Variants in BCL11B observed in about 807,000 individuals in gnomAD.
BCL11B encodes the protein BCL11 transcription factor B, also known as B-cell lymphoma/leukemia 11B.
BCL11B carries 8 observed loss-of-function variants against 49.9 expected under a neutral mutation model. The observed-to-expected ratio is 0.16, with a 90% CI of 0.09 to 0.29. The LOEUF (loss-of-function observed/expected upper bound fraction) is 0.29. BCL11B is among the 10% of genes least tolerant of loss of function. The pLI, the probability that BCL11B is intolerant of heterozygous loss-of-function variation, is 1.00. For missense variants in BCL11B, 1,006 were observed against 1,351.0 expected, an observed-to-expected ratio of 0.74 and a Z score of 4.00; for synonymous variants, 739 against 637.4, an observed-to-expected ratio of 1.16 and a Z score of -2.40.
At chr14:99,200,603 G>A (rs558050543) in intron 3 of BCL11B, among the ~76,000 whole-genome samples, 53 of 152,352 alleles carry the variant, frequency 3.5e-4, no homozygotes, top group African/African-American at 1.2e-3. Flanking sequence ...GCAGCGAGGC[G>A]GGGCATCTCT....
At chr14:99,224,554 C>T (rs1004284817) in intron 3 of BCL11B, among the ~76,000 whole-genome samples, 1 of 152,186 alleles carries the variant, frequency 6.6e-6, no homozygotes, top group Non-Finnish European at 1.5e-5. Flanking sequence ...GCCGATTACC[C>T]AAGGCCAGAG....
intron 1 of BCL11B, among the ~76,000 whole-genome samples, chr14:99,267,059 T>G (rs181844979): frequency 5.3e-5 from 8 of 152,210 alleles, no homozygotes; most frequent in African/African-American, 1.9e-4. Flanking sequence ...TTCCCTTGGG[T>G]TGAGTAGGAC....
rs1886221829 is a variant in BCL11B at position 99,169,577 on chromosome 14, T to C, written c.*4574A>G. On this transcript the variant is annotated 3_prime_UTR_variant, in exon 4 of 4. Coordinates refer to ENST00000357195, the MANE Select transcript of BCL11B (RefSeq NM_138576.4). ...CAAGCAATAATAAATAGTTCCAAAC[T>C]TGTAGTAAAAGACAAAACCTCCAAG... 4.8e-6 allele frequency: 1 copy of C among 208,560 alleles called. No individual in the cohort carries two copies. Among genetic ancestry groups the C allele is most frequent in the African/African-American group, 2.3e-5 (1 of 44,074 alleles). 12.9% of individuals were successfully genotyped at this position (208,560 alleles called of 1,614,324 possible). A position where few individuals can be genotyped will look rare whatever the true frequency, so the allele number is the denominator to read the frequency against.
intron 3 of BCL11B, among the ~76,000 whole-genome samples, chr14:99,190,265 G>C (rs1886983018): frequency 6.6e-6 from 1 of 152,198 alleles, no homozygotes. Flanking sequence ...AAAGCGGGCA[G>C]ATCACGAGGT....
rs1290731811 is a variant in BCL11B at position 99,231,150 on chromosome 14, G to A, written c.640+195C>T. On this transcript the variant is annotated intron_variant, in intron 3 of 3. Transcript: ENST00000357195. This position sits in a 1 kb window ranked among gnomAD's most constrained non-coding sequence, Gnocchi z 8.1. ...CTCAGAACGGGTGGGGGCACCGTGG[G>A]GGACTCCTGACCGAGGGGCACCGGG... Among the ~76,000 whole-genome samples, 3 of 152,208 alleles carry A rather than the reference G, an allele frequency of 2.0e-5. No individual in the cohort carries two copies. Among genetic ancestry groups the A allele is most frequent in the Non-Finnish European group, 4.4e-5 (3 of 68,040 alleles).
intron 1 of BCL11B, among the ~76,000 whole-genome samples, chr14:99,266,888 A>C (rs1889499288): frequency 6.6e-6 from 1 of 152,356 alleles, no homozygotes; most frequent in East Asian, 1.9e-4. Context: ...AAAGGGGATA[A>C]GTGAAGGCTG....
rs1476826646 is a variant in BCL11B, at chr14:99,257,494, C to T, written c.404G>A (p.Cys135Tyr). The stretch of plus-strand genomic sequence containing the variant: ...ACCTGCAATGTTCTCCTGCTTGGGA[C>T]AGATGCCTTTCGTGGGTGAGAGCAG... ...DHLLSPTKGI[C>Y]PKQENIAGPC... The change falls in exon 2 of 4, where the codon TGT becomes TAT. Residue 135 changes from cysteine (C) to tyrosine (Y), a missense_variant. Physicochemically the swap from Cys to Tyr is radical, Grantham distance 194. This residue lies in a region of BCL11B where 411 missense variants were observed against 542.2 expected (regional missense o/e 0.76). Transcript: ENST00000357195. The surrounding 1 kb of genome is among the most constrained non-coding windows in gnomAD (Gnocchi z 6.2). 3 of 1,608,210 alleles carry T rather than the reference C, an allele frequency of 1.9e-6. No individual in the cohort carries two copies. The highest frequency in any genetic ancestry group is 2.2e-5 in the East Asian group (1 of 44,718).
chr14:99,195,436 GC>G lies in BCL11B; in HGVS notation c.641-19242del, dbSNP rs1300469939. Among the ~76,000 whole-genome samples, 9 of 152,032 alleles carry G rather than the reference GC, an allele frequency of 5.9e-5. No individual in the cohort carries two copies. The highest frequency in any genetic ancestry group is 1.0e-4 in the Non-Finnish European group (7 of 68,004). On this transcript the variant is annotated intron_variant, in intron 3 of 3. Coordinates refer to ENST00000357195, the MANE Select transcript of BCL11B (RefSeq NM_138576.4). This position sits in a 1 kb window ranked among gnomAD's most constrained non-coding sequence, Gnocchi z 4.7. ...ATGGTGCACCCAGCATTCTATCCTT[GC>G]CCACCCCACCACACACCACAGTCCC...
chr14:99,237,146 A>G (rs1888524748), intron 2 of BCL11B, among the ~76,000 whole-genome samples: 1 of 151,918 alleles, frequency 6.6e-6, no homozygotes, highest in African/African-American at 2.4e-5. Context: ...CGTTTGCTCA[A>G]TTTCAGAGCT....
chr14:99,202,149 T>G (rs1887403664), intron 3 of BCL11B, among the ~76,000 whole-genome samples: 1 of 152,066 alleles, frequency 6.6e-6, no homozygotes, highest in Non-Finnish European at 1.5e-5. Flanking sequence ...ACTCGGCTGA[T>G]TTTTTTATTT....
intron 3 of BCL11B, among the ~76,000 whole-genome samples, chr14:99,202,996 ACACAG>A (rs1348835194): frequency 6.6e-6 from 1 of 152,156 alleles, no homozygotes; most frequent in Admixed American, 6.5e-5. Context: ...ACTAAGAAAT[ACACAG>A]GGTCCCCTCA....
At chr14:99,190,416 A>T (rs1886988506) in intron 3 of BCL11B, among the ~76,000 whole-genome samples, 2 of 152,244 alleles carry the variant, frequency 1.3e-5, no homozygotes, top group Admixed American at 1.3e-4. Flanking sequence ...TGAACCCGGG[A>T]AGTGGAGGTT....
intron 1 of BCL11B, chr14:99,263,307 C>T (rs1449390562): frequency 6.5e-6 from 1 of 153,514 alleles, no homozygotes; most frequent in Admixed American, 6.5e-5. Flanking sequence ...TCTGCCCCTC[C>T]TCAGCTGAGG....
rs995245244 is a variant in BCL11B, at chr14:99,242,318, T to C, written c.428-10761A>G. On this transcript the variant is annotated intron_variant, in intron 2 of 3. Coordinates refer to ENST00000357195, the MANE Select transcript of BCL11B (RefSeq NM_138576.4). The surrounding 1 kb of genome is among the most constrained non-coding windows in gnomAD (Gnocchi z 4.4). ...CTTCCCTACCTTTTCTCGCAAACCA[T>C]GTGGGCTGGGTACAGCGACAGGCGG... Among the ~76,000 whole-genome samples the C allele has an allele frequency of 1.1e-4, 16 of 152,168 alleles. No homozygotes were observed. Among genetic ancestry groups the C allele is most frequent in the African/African-American group, 3.4e-4 (14 of 41,420 alleles).
chr14:99,225,610 A>C (rs1484579700), intron 3 of BCL11B, among the ~76,000 whole-genome samples: 1 of 152,202 alleles, frequency 6.6e-6, no homozygotes, highest in African/African-American at 2.4e-5. Flanking sequence ...CAGCTGTGCT[A>C]AACAGCCAAA....
At chr14:99,177,508 G>A (rs1205035514) in intron 3 of BCL11B, among the ~76,000 whole-genome samples, 4 of 150,540 alleles carry the variant, frequency 2.7e-5, no homozygotes, top group Admixed American at 6.6e-5. Context: ...TAAAAGAGAC[G>A]GTGCAGACAG....
intron 1 of BCL11B, among the ~76,000 whole-genome samples, chr14:99,260,805 C>CA (rs1889313723): frequency 6.6e-6 from 1 of 152,094 alleles, no homozygotes; most frequent in South Asian, 2.1e-4. Flanking sequence ...CTGATTTCTG[C>CA]GTCAAGTCCT....
rs202195008 is a variant in BCL11B, at chr14:99,213,199, G to C, written c.640+18146C>G. On this transcript the variant is annotated intron_variant, in intron 3 of 3. Coordinates refer to ENST00000357195, the MANE Select transcript of BCL11B (RefSeq NM_138576.4). The surrounding 1 kb of genome is among the most constrained non-coding windows in gnomAD (Gnocchi z 5.1). The stretch of plus-strand genomic sequence containing the variant: ...AATCAGATGCTGAGACCATGCCCAG[G>C]CTCTCGATGAGCCCCTGGAATGAAG... Among the ~76,000 whole-genome samples, 3 of 152,270 alleles carry C rather than the reference G, an allele frequency of 2.0e-5. No homozygotes were observed. The highest frequency in any genetic ancestry group is 3.9e-4 in the East Asian group (2 of 5,168).
At chr14:99,218,215 GCCA>G (rs1413849964) in intron 3 of BCL11B, among the ~76,000 whole-genome samples, 1 of 146,502 alleles carries the variant, frequency 6.8e-6, no homozygotes, top group Non-Finnish European at 1.5e-5. Context: ...ACAGGCACCC[GCCA>G]CCATGCCTGG....
Sources: gnomAD v4.1 joint callset for allele counts (sites outside exome capture counted in the v4.1 genomes callset) on GRCh38, gnomAD v4.1.1 for gene constraint, gnomAD v4.1.1 regional missense constraint, Gnocchi (gnomAD v3.1) non-coding constraint, MANE v1.5 for transcripts, NCBI Gene and HGNC (gene_info 2026-07-23, HGNC 2026-07-21) for gene names.